Variants in ATRNL1 observed in about 807,000 individuals in gnomAD.
ATRNL1 encodes attractin like 1.
In ATRNL1, 95 loss-of-function variants were observed where a neutral mutation model predicts 182.7. That is an observed-to-expected ratio of 0.52 (90% CI 0.44 to 0.62). ATRNL1 has a LOEUF of 0.62. Ranked by LOEUF, ATRNL1 falls within the 20% of genes least tolerant of loss-of-function variation. The pLI is 0.00. For missense variants in ATRNL1, 1,471 were observed against 1,679.5 expected, an observed-to-expected ratio of 0.88 and a Z score of 2.17; for synonymous variants, 576 against 568.3, an observed-to-expected ratio of 1.01 and a Z score of -0.19.
chr10:115,453,117 A>G (rs1166932021), intron 21 of ATRNL1, among the ~76,000 whole-genome samples: 3 of 152,100 alleles, frequency 2.0e-5, no homozygotes, highest in African/African-American at 7.2e-5. Context: ...GGTTGCTTCC[A>G]TGTCTTGTCT....
At chr10:115,149,308 A>G (rs1554880073) in intron 5 of ATRNL1, among the ~76,000 whole-genome samples, 1 of 151,972 alleles carries the variant, frequency 6.6e-6, no homozygotes, top group Non-Finnish European at 1.5e-5. Context: ...CAGCTTGCTT[A>G]TCTATGCTTG....
At chr10:115,362,522 T>G (rs563602181) in intron 19 of ATRNL1, among the ~76,000 whole-genome samples, 14 of 145,744 alleles carry the variant, frequency 9.6e-5, no homozygotes, top group Middle Eastern at 3.5e-3. Context: ...GTACATTGTT[T>G]TTTTTTTTTT....
intron 21 of ATRNL1, among the ~76,000 whole-genome samples, chr10:115,451,444 G>T (rs1295501581): frequency 1.3e-5 from 2 of 152,074 alleles, no homozygotes; most frequent in African/African-American, 4.8e-5. Flanking sequence ...ATTAAAAAGT[G>T]GGCAAAGGAC....
At chr10:115,882,368 A>G (rs928890791) in intron 28 of ATRNL1, among the ~76,000 whole-genome samples, 3 of 152,162 alleles carry the variant, frequency 2.0e-5, no homozygotes, top group African/African-American at 7.2e-5. Context: ...CTGCCTAAAT[A>G]AGTGGCCTTA....
intron 26 of ATRNL1, among the ~76,000 whole-genome samples, chr10:115,578,452 G>A (rs1254960032): frequency 1.3e-5 from 2 of 151,512 alleles, no homozygotes; most frequent in Non-Finnish European, 3.0e-5. Context: ...GGTCTTTTCA[G>A]GCTATTTCTT....
chr10:115,901,384 A>G (rs1266793662), intron 28 of ATRNL1, among the ~76,000 whole-genome samples: 1 of 152,220 alleles, frequency 6.6e-6, no homozygotes, highest in East Asian at 1.9e-4. Flanking sequence ...TTAAAAAGAT[A>G]GTACATATTT....
chr10:115,810,456 T>C (rs1310744819), intron 27 of ATRNL1, among the ~76,000 whole-genome samples: 1 of 151,986 alleles, frequency 6.6e-6, no homozygotes, highest in Non-Finnish European at 1.5e-5. Context: ...CAAATTCTTT[T>C]ATTTTTCCAT....
chr10:115,487,080 T>C (rs1375179183), intron 24 of ATRNL1, among the ~76,000 whole-genome samples: 1 of 152,172 alleles, frequency 6.6e-6, no homozygotes, highest in Non-Finnish European at 1.5e-5. Context: ...AGTCTTCTGT[T>C]CTGTTCCATT....
At chr10:115,938,096 G>A (rs1953616782) in intron 28 of ATRNL1, among the ~76,000 whole-genome samples, 1 of 152,194 alleles carries the variant, frequency 6.6e-6, no homozygotes, top group African/African-American at 2.4e-5. Context: ...TAAAATGGAA[G>A]TGCTATGTTT....
chr10:115,389,599 AATGATGGACACC>A lies in ATRNL1; in HGVS notation c.3176-5059_3176-5048del, dbSNP rs1554953896. 9.5e-4 allele frequency among the ~76,000 whole-genome samples: 97 copies of A among 102,022 alleles called. 4 individuals carry two copies. Among genetic ancestry groups the A allele is most frequent in the African/African-American group, 3.1e-3 (88 of 28,634 alleles). The allele number at this position is 102,022 out of a possible 152,430, so 66.9% of individuals were successfully genotyped here. A position where few individuals can be genotyped will look rare whatever the true frequency, so the allele number is the denominator to read the frequency against. On this transcript the variant is annotated intron_variant, in intron 19 of 28. Coordinates refer to ENST00000355044, the MANE Select transcript of ATRNL1 (RefSeq NM_207303.4). ...ATATATATATATATATATTTCATCC[AATGATGGACACC>A]TAGGTTGCATCTATATTGTAGCTAT... is the stretch of plus-strand genomic sequence containing the variant.
At chr10:115,509,417 A>G (rs1554982096) in intron 24 of ATRNL1, among the ~76,000 whole-genome samples, 3 of 151,830 alleles carry the variant, frequency 2.0e-5, no homozygotes, top group African/African-American at 7.3e-5. Flanking sequence ...GATCATGGGG[A>G]TGGATCCCTC....
At chr10:115,936,635 C>T (rs1040443169) in intron 28 of ATRNL1, among the ~76,000 whole-genome samples, 4 of 152,090 alleles carry the variant, frequency 2.6e-5, no homozygotes, top group Non-Finnish European at 5.9e-5. Flanking sequence ...TTAAGGCAGT[C>T]AGTGACATTT....
intron 26 of ATRNL1, among the ~76,000 whole-genome samples, chr10:115,646,434 C>T (rs1555032478): frequency 1.3e-5 from 2 of 152,054 alleles, no homozygotes; most frequent in Non-Finnish European, 2.9e-5. Context: ...CATTTTATGG[C>T]TGCTTCATTT....
chr10:115,830,350 C>T (rs573955126), intron 27 of ATRNL1, among the ~76,000 whole-genome samples: 2 of 152,290 alleles, frequency 1.3e-5, no homozygotes, highest in African/African-American at 4.8e-5. Context: ...AGAAATTCAG[C>T]AAGATCAACC....
At chr10:115,574,399 A>G (rs1057118333) in intron 26 of ATRNL1, among the ~76,000 whole-genome samples, 45 of 151,998 alleles carry the variant, frequency 3.0e-4, no homozygotes, top group Admixed American at 1.6e-3. Context: ...CTCTTTGAGA[A>G]AAAAGCCTAT....
At chr10:115,862,912 C>T (rs1951348007) in intron 28 of ATRNL1, among the ~76,000 whole-genome samples, 1 of 152,042 alleles carries the variant, frequency 6.6e-6, no homozygotes. Context: ...GAAATTATTT[C>T]CAAAATATAT....
At chr10:115,742,892 A>T (rs1182341807) in intron 27 of ATRNL1, among the ~76,000 whole-genome samples, 3 of 152,138 alleles carry the variant, frequency 2.0e-5, no homozygotes, top group Non-Finnish European at 4.4e-5. Flanking sequence ...AGACTGGGTA[A>T]TTTACAAAGG....
At chr10:115,220,886 C>T (rs560277207) in intron 9 of ATRNL1, among the ~76,000 whole-genome samples, 1 of 152,252 alleles carries the variant, frequency 6.6e-6, no homozygotes, top group East Asian at 1.9e-4. Context: ...TCACTTGCCA[C>T]TCACTCACTG....
chr10:115,382,692 C>CTTTT (rs34063669), intron 19 of ATRNL1, among the ~76,000 whole-genome samples: 1 of 114,288 alleles, frequency 8.7e-6, no homozygotes, highest in African/African-American at 3.0e-5. Flanking sequence ...CTGTTCTTTG[C>CTTTT]TTTTTTTTTT....
Sources: gnomAD v4.1 joint callset for allele counts (sites outside exome capture counted in the v4.1 genomes callset) on GRCh38, gnomAD v4.1.1 for gene constraint, MANE v1.5 for transcripts, NCBI Gene and HGNC (gene_info 2026-07-23, HGNC 2026-07-21) for gene names.